CHRNB1: variants seen among roughly 807,000 people sequenced by gnomAD.
The protein encoded by CHRNB1 is cholinergic receptor nicotinic beta 1 subunit, also known as acetylcholine receptor subunit beta.
A neutral mutation model predicts 53.8 loss-of-function variants in CHRNB1; 47 were observed. That is an observed-to-expected ratio of 0.87 (90% CI 0.69 to 1.11). The LOEUF (loss-of-function observed/expected upper bound fraction) is 1.11, where lower values mean the gene tolerates loss of function less well. CHRNB1 is among the 50% of genes most tolerant of loss of function. The pLI, the probability that CHRNB1 is intolerant of heterozygous loss-of-function variation, is 0.00. For missense variants in CHRNB1, 605 were observed against 654.9 expected, an observed-to-expected ratio of 0.92 and a Z score of 0.83; for synonymous variants, 259 against 263.5, an observed-to-expected ratio of 0.98 and a Z score of 0.16.
chr17:7,448,350 C>A (rs1459904226), intron 6 of CHRNB1, among the ~76,000 whole-genome samples: 1 of 152,176 alleles, frequency 6.6e-6, no homozygotes, highest in Non-Finnish European at 1.5e-5. Flanking sequence ...CACGCCACTG[C>A]ACTCCAACCT....
chr17:7,450,089 T>C (rs1486110977), intron 7 of CHRNB1, among the ~76,000 whole-genome samples: 1 of 145,520 alleles, frequency 6.9e-6, no homozygotes, highest in African/African-American at 2.6e-5. Context: ...ATAATAGTAA[T>C]AGTCAACATA....
At chr17:7,446,002 G>GC (rs1355184059) in intron 2 of CHRNB1, 67 bp from the exon 3 acceptor site, 3 of 1,433,262 alleles carry the variant, frequency 2.1e-6, no homozygotes. Flanking sequence ...AGAGAGGTTG[G>GC]CCCCCCGAGC....
At position 7,446,327 on chromosome 17, in the gene CHRNB1, CTGTGTG is replaced by C. The variant is rs58239884; in HGVS notation, c.243+255_243+260del. 490 of 235,076 alleles carry C rather than the reference CTGTGTG, an allele frequency of 2.1e-3. 2 individuals carry two copies. Among genetic ancestry groups the C allele is most frequent in the African/African-American group, 7.4e-3 (265 of 35,604 alleles). 14.6% of individuals were successfully genotyped at this position (235,076 alleles called of 1,614,324 possible). Reference sequence around the variant, plus strand: ...TTTGTGTGTGTGTGTGTGTGTGTGTCTGTGTGTGTGTGTGTGTGTGTGTGTGTGTGT... The same window carrying C: ...TTTGTGTGTGTGTGTGTGTGTGTGTCTGTGTGTGTGTGTGTGTGTGTGTGT... On this transcript the variant is annotated intron_variant, in intron 3 of 10. Transcript: ENST00000306071.
chr17:7,447,592 C>G lies in CHRNB1; in HGVS notation c.552C>G (p.Gly184=). The change falls in exon 6 of 11, where the codon GGC becomes GGG. Residue 184 remains glycine, a synonymous_variant. Transcript: ENST00000306071. The part of the protein sequence containing the change: ...YDSSEVSLQT[G]LGPDGQGHQE... ...GCTCGGAGGTCAGCCTGCAGACAGG[C>G]CTGGGTCCTGACGGGCAAGGGCATC... 1.9e-6 allele frequency: 3 copies of G among 1,614,202 alleles called. No homozygotes were observed. Among genetic ancestry groups the G allele is most frequent in the Non-Finnish European group, 2.5e-6 (3 of 1,180,036 alleles).
intron 5 of CHRNB1, 143 bp from the exon 6 acceptor site, chr17:7,447,360 T>G (rs1048396229): frequency 8.0e-6 from 8 of 998,060 alleles, no homozygotes; most frequent in African/African-American, 1.6e-5. Context: ...GCCCTCCCCA[T>G]CCCTCCCCCA....
chr17:7,455,656 A>G (rs1421843050), intron 9 of CHRNB1, 138 bp from the exon 10 acceptor site: 1 of 1,313,908 alleles, frequency 7.6e-7, no homozygotes, highest in Non-Finnish European at 1.1e-6. Flanking sequence ...GGCTAGAGAG[A>G]TCACTGCTGG....
chr17:7,455,710 T>C (rs2069942791), intron 9 of CHRNB1, 84 bp from the exon 10 acceptor site: 1 of 1,577,090 alleles, frequency 6.3e-7, no homozygotes, highest in East Asian at 2.2e-5. Flanking sequence ...AACTGGCAAG[T>C]TGTTGGAGGC....
Position 7,445,068 on chromosome 17 carries a change from C to G in CHRNB1, c.-60C>G. 6.4e-7 allele frequency: 1 copy of G among 1,569,312 alleles called. No individual in the cohort carries two copies. Among genetic ancestry groups the G allele is most frequent in the East Asian group, 2.3e-5 (1 of 43,546 alleles). On this transcript the variant is annotated 5_prime_UTR_variant, in exon 1 of 11. Coordinates refer to ENST00000306071, the MANE Select transcript of CHRNB1 (RefSeq NM_000747.3). This position sits in a 1 kb window ranked among gnomAD's most constrained non-coding sequence, Gnocchi z 5.7. ...CACATTCCCGGGCTCCTCGTCACTTCCCCTGTGCTGGCGGTCCCAGCGGCT... is the reference window on the plus strand; with the variant it reads ...CACATTCCCGGGCTCCTCGTCACTTGCCCTGTGCTGGCGGTCCCAGCGGCT...
At chr17:7,452,261 T>C (rs936681907) in intron 7 of CHRNB1, among the ~76,000 whole-genome samples, 17 of 152,208 alleles carry the variant, frequency 1.1e-4, no homozygotes, top group Admixed American at 3.9e-4. Context: ...TTTCGCTATG[T>C]TGGCCAGGCT....
At chr17:7,447,716 A>AG in intron 6 of CHRNB1, 66 bp downstream of exon 6, 1 of 1,588,080 alleles carries the variant, frequency 6.3e-7, no homozygotes, top group African/African-American at 1.3e-5. Context: ...ACTCATAAAT[A>AG]TACTGTCAGT....
intron 6 of CHRNB1, 88 bp from the exon 7 acceptor site, chr17:7,448,491 A>T (rs1426472210): frequency 7.9e-7 from 1 of 1,263,088 alleles, no homozygotes; most frequent in East Asian, 2.4e-5. Context: ...CAGCCCTCTC[A>T]GGTCTAGGCT....
chr17:7,448,926 C>T, intron 7 of CHRNB1, 138 bp downstream of exon 7: 1 of 846,930 alleles, frequency 1.2e-6, no homozygotes, highest in Non-Finnish European at 1.9e-6. Flanking sequence ...GCTCTGCCTC[C>T]CGTTGACTGC....
intron 7 of CHRNB1, among the ~76,000 whole-genome samples, chr17:7,450,364 G>A (rs1567678483): frequency 6.6e-6 from 1 of 151,876 alleles, no homozygotes; most frequent in Non-Finnish European, 1.5e-5. Flanking sequence ...GGCTGGTCTC[G>A]AACTCCTGAC....
Position 7,447,043 on chromosome 17 carries a change from C to T in CHRNB1, c.354C>T (p.Asn118=). ...VWLPDVVLLN[N]NDGNFDVALD... is the part of the protein sequence containing the mutation. Reference sequence around the variant, plus strand: ...CCCTGATGAGATCCCTTCTCTGCAGCAATGATGGGAATTTTGACGTGGCTC... The same window carrying T: ...CCCTGATGAGATCCCTTCTCTGCAGTAATGATGGGAATTTTGACGTGGCTC... Residue 118 remains asparagine (N), a splice_region_variant and synonymous_variant, in exon 5 of 11, where the codon AAC becomes AAT. Transcript: ENST00000306071. 6.2e-7 allele frequency: 1 copy of T among 1,614,072 alleles called. No homozygotes were observed. The highest frequency in any genetic ancestry group is 1.3e-5 in the African/African-American group (1 of 75,058).
chr17:7,451,242 A>G (rs1300185879), intron 7 of CHRNB1, among the ~76,000 whole-genome samples: 1 of 139,410 alleles, frequency 7.2e-6, no homozygotes, highest in African/African-American at 2.7e-5. Flanking sequence ...TGTTGGGTGG[A>G]TGTTTCAGGT....
In CHRNB1 at chr17:7,446,821, C is replaced by G. The variant is rs1908652872; in HGVS notation, c.244-12C>G. ...CCAACCCGGGGCAGCCCCTCAGCCT[C>G]TGCTTCACTAGGAGTGGACTGACTA... On this transcript the variant is annotated splice_polypyrimidine_tract_variant and intron_variant, in intron 3 of 10. Transcript: ENST00000306071. The G allele has an allele frequency of 6.2e-7, 1 of 1,610,652 alleles. No individual in the cohort carries two copies. Among genetic ancestry groups the G allele is most frequent in the African/African-American group, 1.3e-5 (1 of 74,984 alleles).
In CHRNB1 at chr17:7,445,844, CG is replaced by C. The variant is rs1908585097; in HGVS notation, c.199-222del. The C allele has an allele frequency of 1.6e-6, 1 of 625,116 alleles. No individual in the cohort carries two copies. The highest frequency in any genetic ancestry group is 2.8e-6 in the Non-Finnish European group (1 of 353,784). The allele number at this position is 625,116 out of a possible 1,614,324, so 38.7% of individuals were successfully genotyped here. A position where few individuals can be genotyped will look rare whatever the true frequency, so the allele number is the denominator to read the frequency against. ...AGCTAGGCGGAGGGCTAGGCAGGGGCGGGTCTGGTAGGTTGATAGGCTGGGA... is the reference window on the plus strand; with the variant it reads ...AGCTAGGCGGAGGGCTAGGCAGGGGCGGTCTGGTAGGTTGATAGGCTGGGA... On this transcript the variant is annotated intron_variant, in intron 2 of 10. Coordinates refer to ENST00000306071, the MANE Select transcript of CHRNB1 (RefSeq NM_000747.3). The surrounding 1 kb of genome is among the most constrained non-coding windows in gnomAD (Gnocchi z 5.7).
At position 7,455,932 on chromosome 17, in the gene CHRNB1, C is replaced by A. The variant is rs2069945626; in HGVS notation, c.1356C>A (p.Asp452Glu). 1.9e-6 allele frequency: 3 copies of A among 1,614,032 alleles called. No homozygotes were observed. In the East Asian group the frequency reaches 6.7e-5, roughly 36 times the overall value. ...CTCGACAGCTGCAGGAACAGGAGGACCACGATGCGGTATGTCCAACGGGGG... is the reference window on the plus strand; with the variant it reads ...CTCGACAGCTGCAGGAACAGGAGGAACACGATGCGGTATGTCCAACGGGGG... The part of the protein sequence containing the change: ...YIARQLQEQE[D>E]HDALKEDWQF... Residue 452 changes from aspartate (D) to glutamate (E), a missense_variant, in exon 10 of 11, where the codon GAC becomes GAA. Coordinates refer to ENST00000306071, the MANE Select transcript of CHRNB1 (RefSeq NM_000747.3).
Position 7,457,630 on chromosome 17 carries a change from C to T in CHRNB1, c.*907C>T, listed in dbSNP as rs371036825. 8 of 151,972 alleles carry T rather than the reference C, an allele frequency of 5.3e-5. No homozygotes were observed. Among genetic ancestry groups the T allele is most frequent in the East Asian group, 3.9e-4 (2 of 5,194 alleles). 9.4% of individuals were successfully genotyped at this position (151,972 alleles called of 1,614,324 possible). A position where few individuals can be genotyped will look rare whatever the true frequency, so the allele number is the denominator to read the frequency against. ...TTGTTTGCATGTTGGGTCTTGTGGTCGTTTTCTTTTTACCTTTCTGTAATT... is the reference window on the plus strand; with the variant it reads ...TTGTTTGCATGTTGGGTCTTGTGGTTGTTTTCTTTTTACCTTTCTGTAATT... On this transcript the variant is annotated 3_prime_UTR_variant, in exon 11 of 11. Coordinates refer to ENST00000306071, the MANE Select transcript of CHRNB1 (RefSeq NM_000747.3).
Sources: gnomAD v4.1 joint callset for allele counts (sites outside exome capture counted in the v4.1 genomes callset) on GRCh38, gnomAD v4.1.1 for gene constraint, Gnocchi (gnomAD v3.1) non-coding constraint, MANE v1.5 for transcripts, NCBI Gene and HGNC (gene_info 2026-07-23, HGNC 2026-07-21) for gene names.